ANAPC1: variants seen among roughly 807,000 people sequenced by gnomAD.
The protein encoded by ANAPC1 is anaphase-promoting complex subunit 1.
In ANAPC1, 36 loss-of-function variants were observed where a neutral mutation model predicts 208.0. That is an observed-to-expected ratio of 0.17 (90% CI 0.13 to 0.23). ANAPC1 has a LOEUF of 0.23. ANAPC1 is among the 10% of genes least tolerant of loss of function. ANAPC1 has a pLI of 1.00. For synonymous variants in ANAPC1, 378 were observed against 695.2 expected (o/e 0.54, Z 7.18); for missense variants, 942 against 2,011.6 (o/e 0.47, Z 10.17).
rs752193266 is a variant in ANAPC1, at chr2:111,850,779, G to A, written c.1647C>T (p.Asp549=). Residue 549 remains aspartate (D), a synonymous_variant, in exon 14 of 48, where the codon GAC becomes GAT. Coordinates refer to ENST00000341068, the MANE Select transcript of ANAPC1 (RefSeq NM_022662.4). The part of the protein sequence containing the change: ...KPLSKLLGSL[D]EVVLLSPVPE... ...CAACACCTAGTCCTTTTCTTACCTC[G>A]TCCAATGATCCAAGGAGTTTACTAA... is the stretch of plus-strand genomic sequence containing the variant. The A allele has an allele frequency of 8.1e-6, 13 of 1,611,338 alleles. 1 individual carries two copies. Among genetic ancestry groups the A allele is most frequent in the African/African-American group, 4.0e-5 (3 of 74,714 alleles).
At chr2:111,820,079 T>C (rs1374238980) in intron 26 of ANAPC1, among the ~76,000 whole-genome samples, 4 of 152,224 alleles carry the variant, frequency 2.6e-5, no homozygotes, top group African/African-American at 9.6e-5. Flanking sequence ...CATTATTTCA[T>C]GAGAAACTAA....
intron 10 of ANAPC1, among the ~76,000 whole-genome samples, chr2:111,860,773 C>A (rs1483504728): frequency 6.6e-6 from 1 of 151,532 alleles, no homozygotes; most frequent in Admixed American, 6.6e-5. Context: ...AGTTCCTAGC[C>A]CTCTTCTCAT....
intron 20 of ANAPC1, among the ~76,000 whole-genome samples, chr2:111,832,684 C>T (rs1460282266): frequency 6.6e-6 from 1 of 152,084 alleles, no homozygotes; most frequent in East Asian, 1.9e-4. Flanking sequence ...AATCCCAGCA[C>T]TTTGGGAGGC....
chr2:111,846,560 T>TATATATATA (rs1491102595), intron 16 of ANAPC1, among the ~76,000 whole-genome samples: 1 of 37,422 alleles, frequency 2.7e-5, no homozygotes, highest in African/African-American at 8.6e-5. Flanking sequence ...TATATATATA[T>TATATATATA]TTTTTTTTTT....
rs1573380676 is a variant in ANAPC1, at chr2:111,815,539, G to C, written c.3428C>G (p.Ala1143Gly). The C allele has an allele frequency of 4.9e-6, 1 of 205,036 alleles. No individual in the cohort carries two copies. Among genetic ancestry groups the C allele is most frequent in the Non-Finnish European group, 8.6e-6 (1 of 116,446 alleles). The allele number at this position is 205,036 out of a possible 1,614,324, so 12.7% of individuals were successfully genotyped here. A position where few individuals can be genotyped will look rare whatever the true frequency, so the allele number is the denominator to read the frequency against. The change falls in exon 28 of 48, where the codon GCT becomes GGT. Residue 1143 changes from alanine to glycine, a missense_variant. Coordinates refer to ENST00000341068, the MANE Select transcript of ANAPC1 (RefSeq NM_022662.4). ...GGAGGCAGGAGCTATCTTCAGGCCA[G>C]CAGCCACACCATTATGAAAGCTGGC... ...SWASFHNGVAAGLKIAPASQI... is the reference protein window; with the variant it reads ...SWASFHNGVAGGLKIAPASQI...
chr2:111,883,749 A>G (rs954796483), intron 1 of ANAPC1, among the ~76,000 whole-genome samples, 193 bp downstream of exon 1: 6 of 152,180 alleles, frequency 3.9e-5, no homozygotes, highest in Admixed American at 3.9e-4. Flanking sequence ...AGCCGGAAGG[A>G]GCACCCCAGC....
intron 2 of ANAPC1, among the ~76,000 whole-genome samples, chr2:111,879,218 A>G (rs1322955291): frequency 1.3e-5 from 2 of 152,232 alleles, no homozygotes; most frequent in Non-Finnish European, 2.9e-5. Flanking sequence ...GCCAAAAACA[A>G]AAACGAACAA....
chr2:111,841,694 T>C (rs1680773583), intron 17 of ANAPC1, among the ~76,000 whole-genome samples: 1 of 152,114 alleles, frequency 6.6e-6, no homozygotes, highest in Non-Finnish European at 1.5e-5. Flanking sequence ...GGGAAGTCAC[T>C]GGGGGATTCT....
chr2:111,878,285 T>C (rs1208799924), intron 3 of ANAPC1, among the ~76,000 whole-genome samples: 1 of 152,204 alleles, frequency 6.6e-6, no homozygotes, highest in African/African-American at 2.4e-5. Flanking sequence ...GTACAAGTTT[T>C]CCTTCATCAA....
At chr2:111,844,921 C>T (rs911935278) in intron 16 of ANAPC1, among the ~76,000 whole-genome samples, 5 of 152,244 alleles carry the variant, frequency 3.3e-5, no homozygotes, top group African/African-American at 1.2e-4. Context: ...TTATAGCTCA[C>T]TGTCACCTCC....
chr2:111,774,247 A>AT (rs1416046317), intron 46 of ANAPC1, among the ~76,000 whole-genome samples: 5 of 138,648 alleles, frequency 3.6e-5, no homozygotes, highest in Non-Finnish European at 6.3e-5. Flanking sequence ...TTTAAAGAGG[A>AT]TTTTTTTTAA....
At chr2:111,872,217 GC>G (rs2104590213) in intron 6 of ANAPC1, among the ~76,000 whole-genome samples, 1 of 152,136 alleles carries the variant, frequency 6.6e-6, no homozygotes, top group South Asian at 2.1e-4. Context: ...TTTATCCAAT[GC>G]TTTTTTCTGC....
intron 6 of ANAPC1, among the ~76,000 whole-genome samples, chr2:111,871,865 T>A (rs1573512008): frequency 6.6e-6 from 1 of 152,334 alleles, no homozygotes; most frequent in East Asian, 1.9e-4. Context: ...TTACTGAATT[T>A]ATTTATCAAA....
At chr2:111,878,162 T>C (rs1683112096) in intron 3 of ANAPC1, among the ~76,000 whole-genome samples, 1 of 152,230 alleles carries the variant, frequency 6.6e-6, no homozygotes, top group Non-Finnish European at 1.5e-5. Context: ...CCAACAGTGT[T>C]AGTATCCATT....
At chr2:111,839,697 G>A (rs2104484624) in intron 17 of ANAPC1, among the ~76,000 whole-genome samples, 1 of 152,254 alleles carries the variant, frequency 6.6e-6, no homozygotes, top group Non-Finnish European at 1.5e-5. Flanking sequence ...TGAAATCAAA[G>A]CAACAAATAT....
rs112441604 is a variant in ANAPC1 at position 111,867,639 on chromosome 2, C to G, written c.685+384G>C. 4.8e-3 allele frequency among the ~76,000 whole-genome samples: 732 copies of G among 151,514 alleles called. 5 individuals are homozygous for G. Among genetic ancestry groups the G allele is most frequent in the African/African-American group, 0.017 (692 of 41,288 alleles). ...CTCGGGAGGCAGAGGTTACAGTGAACTGAGATCACACCACTGCACTCCAGC... is the reference window on the plus strand; with the variant it reads ...CTCGGGAGGCAGAGGTTACAGTGAAGTGAGATCACACCACTGCACTCCAGC... On this transcript the variant is annotated intron_variant, in intron 7 of 47. Coordinates refer to ENST00000341068, the MANE Select transcript of ANAPC1 (RefSeq NM_022662.4).
intron 10 of ANAPC1, among the ~76,000 whole-genome samples, chr2:111,859,273 A>G (rs1163878462): frequency 6.6e-6 from 1 of 152,132 alleles, no homozygotes; most frequent in East Asian, 1.9e-4. Flanking sequence ...ACCTGAGGTC[A>G]GGAGTTCAAG....
chr2:111,834,548 G>GA lies in ANAPC1; in HGVS notation c.2384+55dup. 3.3e-6 allele frequency: 3 copies of GA among 913,302 alleles called. 1 individual carries two copies. In the South Asian group the frequency reaches 8.2e-5, roughly 25 times the overall value. The allele number at this position is 913,302 out of a possible 1,614,324, so 56.6% of individuals were successfully genotyped here. A position where few individuals can be genotyped will look rare whatever the true frequency, so the allele number is the denominator to read the frequency against. On this transcript the variant is annotated intron_variant, in intron 19 of 47. Coordinates refer to ENST00000341068, the MANE Select transcript of ANAPC1 (RefSeq NM_022662.4). ...CTATATGATACAAGGTTCCTATATG[G>GA]AAAAGACAGTCATCTCAGGACTTCC...
chr2:111,819,229 C>T, intron 26 of ANAPC1: 1 of 984,990 alleles, frequency 1.0e-6, no homozygotes, highest in Non-Finnish European at 1.2e-6. Flanking sequence ...ACCCAGCCGA[C>T]TCTCTCTAGG....
Sources: allele counts gnomAD v4.1 joint callset (sites outside exome capture counted in the v4.1 genomes callset), GRCh38; gene constraint gnomAD v4.1.1; transcripts MANE v1.5; gene names NCBI Gene and HGNC (gene_info 2026-07-23, HGNC 2026-07-21).